ROBO2: variants seen among roughly 807,000 people sequenced by gnomAD.
ROBO2 encodes the protein roundabout guidance receptor 2.
A neutral mutation model predicts 160.8 loss-of-function variants in ROBO2; 53 were observed. The observed-to-expected ratio is 0.33, with a 90% CI of 0.26 to 0.41. ROBO2 has a LOEUF of 0.41. Ranked by LOEUF, ROBO2 falls within the 10% of genes least tolerant of loss-of-function variation. ROBO2 has a pLI of 1.00. For synonymous variants in ROBO2, 664 were observed against 611.7 expected (o/e 1.09, Z -1.26); for missense variants, 1,577 against 1,722.4 (o/e 0.92, Z 1.49).
At chr3:76,973,411 A>AG (rs1371529250) in intron 2 of ROBO2, among the ~76,000 whole-genome samples, 1 of 152,138 alleles carries the variant, frequency 6.6e-6, no homozygotes, top group Non-Finnish European at 1.5e-5. Context: ...GCTTTGATAA[A>AG]GGAAATCATT....
chr3:76,374,286 G>C (rs1474580672), intron 2 of ROBO2, among the ~76,000 whole-genome samples: 2 of 151,950 alleles, frequency 1.3e-5, no homozygotes. Flanking sequence ...TCTCCTCTCT[G>C]TGACATTAGC....
At chr3:77,359,109 A>C (rs997765785) in intron 2 of ROBO2, among the ~76,000 whole-genome samples, 1 of 152,246 alleles carries the variant, frequency 6.6e-6, no homozygotes, top group South Asian at 2.1e-4. Context: ...GCAATGCATG[A>C]GTATCTAAAT....
At chr3:76,880,386 A>G (rs1701413683) in intron 2 of ROBO2, among the ~76,000 whole-genome samples, 1 of 152,162 alleles carries the variant, frequency 6.6e-6, no homozygotes, top group Non-Finnish European at 1.5e-5. Context: ...GATCAGCACA[A>G]ATAAAGAAAT....
chr3:75,991,259 C>T (rs1321579238), intron 2 of ROBO2, among the ~76,000 whole-genome samples: 1 of 152,098 alleles, frequency 6.6e-6, no homozygotes, highest in African/African-American at 2.4e-5. Flanking sequence ...TACAAGATGA[C>T]AGTTGATATG....
chr3:77,566,885 C>T (rs79576552), intron 12 of ROBO2, among the ~76,000 whole-genome samples: 3,406 of 152,112 alleles, frequency 0.022, 129 homozygotes, highest in African/African-American at 0.077. Flanking sequence ...TTTCAAAGAA[C>T]ACTTTGCACT....
At chr3:76,172,067 C>A (rs1480844435) in intron 2 of ROBO2, among the ~76,000 whole-genome samples, 1 of 152,134 alleles carries the variant, frequency 6.6e-6, no homozygotes, top group Non-Finnish European at 1.5e-5. Flanking sequence ...CCAAACCACA[C>A]AGCAAAACTT....
chr3:76,802,545 G>C (rs988207194), intron 2 of ROBO2, among the ~76,000 whole-genome samples: 2 of 151,924 alleles, frequency 1.3e-5, no homozygotes, highest in Non-Finnish European at 2.9e-5. Context: ...TGGCTAACAC[G>C]GTGAAACCCC....
chr3:76,655,754 A>AAGGAAGGGAGGAAAGAAGGG (rs1423954561), intron 2 of ROBO2, among the ~76,000 whole-genome samples: 2 of 143,292 alleles, frequency 1.4e-5, no homozygotes, highest in African/African-American at 5.7e-5. Context: ...GGAAAGAAGG[A>AAGGAAGGGAGGAAAGAAGGG]AGGAAGGAAG....
chr3:76,097,330 T>G (rs1260790351), intron 2 of ROBO2, among the ~76,000 whole-genome samples: 1 of 151,896 alleles, frequency 6.6e-6, no homozygotes, highest in Non-Finnish European at 1.5e-5. Context: ...CTGAACTTGC[T>G]CCTGGAGAGC....
At chr3:76,184,878 CAT>C (rs1279748111) in intron 2 of ROBO2, among the ~76,000 whole-genome samples, 3 of 151,930 alleles carry the variant, frequency 2.0e-5, no homozygotes, top group African/African-American at 7.3e-5. Context: ...AGAAGACAGA[CAT>C]ATTTGCCTTT....
Position 76,334,220 on chromosome 3 carries a change from T to C in ROBO2, c.109+396618T>C, listed in dbSNP as rs139870215. 6.4e-3 allele frequency among the ~76,000 whole-genome samples: 974 copies of C among 152,322 alleles called. 10 individuals carry two copies. The highest frequency in any genetic ancestry group is 8.4e-3 in the Non-Finnish European group (574 of 68,042). The stretch of plus-strand genomic sequence containing the variant: ...ATCATTATTATCATTGCCTGAAAAC[T>C]ATTTTACATCAGTTATCTTGTTTAA... On this transcript the variant is annotated intron_variant, in intron 2 of 26. Coordinates refer to the ROBO2 transcript ENST00000487694.
intron 2 of ROBO2, among the ~76,000 whole-genome samples, chr3:76,919,148 G>A (rs1577478626): frequency 6.6e-6 from 1 of 151,874 alleles, no homozygotes. Flanking sequence ...ATTTACCTGT[G>A]TAACAAACCT....
chr3:77,107,141 C>T (rs1358828483), intron 2 of ROBO2, among the ~76,000 whole-genome samples: 1 of 152,194 alleles, frequency 6.6e-6, no homozygotes, highest in Non-Finnish European at 1.5e-5. Flanking sequence ...TAGACGGCAT[C>T]CTCACAAGGT....
chr3:75,971,456 A>G (rs72890310), intron 2 of ROBO2, among the ~76,000 whole-genome samples: 1,895 of 151,632 alleles, frequency 0.012, 46 homozygotes, highest in African/African-American at 0.044. Flanking sequence ...TGCCTGTGGC[A>G]AAACTTTGGT....
intron 2 of ROBO2, among the ~76,000 whole-genome samples, chr3:77,107,784 T>G (rs568337975): frequency 1.3e-5 from 2 of 152,204 alleles, no homozygotes; most frequent in African/African-American, 4.8e-5. Flanking sequence ...AGCATCACAT[T>G]TTTTGTGTGT....
At chr3:77,329,413 G>T (rs2065767497) in intron 2 of ROBO2, among the ~76,000 whole-genome samples, 1 of 152,166 alleles carries the variant, frequency 6.6e-6, no homozygotes, top group African/African-American at 2.4e-5. Context: ...AACAAATGCT[G>T]TTTGTTCTAG....
chr3:76,608,990 C>G (rs964303544), intron 2 of ROBO2, among the ~76,000 whole-genome samples: 1 of 152,180 alleles, frequency 6.6e-6, no homozygotes, highest in African/African-American at 2.4e-5. Flanking sequence ...TATAGCTTAG[C>G]TTCCCCACAT....
At chr3:77,412,655 GT>G (rs1327977804) in intron 2 of ROBO2, among the ~76,000 whole-genome samples, 3 of 152,188 alleles carry the variant, frequency 2.0e-5, no homozygotes. Flanking sequence ...TGTTCTCTGA[GT>G]TCAAAGATCT....
At chr3:76,100,073 A>G (rs967172810) in intron 2 of ROBO2, among the ~76,000 whole-genome samples, 1 of 152,194 alleles carries the variant, frequency 6.6e-6, no homozygotes, top group African/African-American at 2.4e-5. Context: ...AACCACCAGA[A>G]TCCACATTAA....
Sources: gnomAD v4.1 joint callset for allele counts (sites outside exome capture counted in the v4.1 genomes callset) on GRCh38, gnomAD v4.1.1 for gene constraint, MANE v1.5 for transcripts, NCBI Gene and HGNC (gene_info 2026-07-23, HGNC 2026-07-21) for gene names.